Variants in SPECC1L observed in about 807,000 individuals in gnomAD.
SPECC1L encodes the protein cytospin-A.
A neutral mutation model predicts 116.8 loss-of-function variants in SPECC1L; 40 were observed. The ratio of observed to expected loss-of-function variants is 0.34; its 90% confidence interval spans 0.27 to 0.45. The LOEUF (loss-of-function observed/expected upper bound fraction) is 0.45, where lower values mean the gene tolerates loss of function less well. SPECC1L is among the 20% of genes least tolerant of loss of function. The probability of loss-of-function intolerance (pLI) is 1.00; values close to 1 mark genes in which losing one functional copy is unlikely to be tolerated. For synonymous variants in SPECC1L, 504 were observed against 500.6 expected, an observed-to-expected ratio of 1.01 and a Z score of -0.09; for missense variants, 1,110 against 1,373.6, an observed-to-expected ratio of 0.81 and a Z score of 3.03.
chr22:24,322,340 G>A lies in SPECC1L; in HGVS notation c.1360G>A (p.Asp454Asn), dbSNP rs907675222. 5.6e-6 allele frequency: 9 copies of A among 1,614,082 alleles called. No homozygotes were observed. Among genetic ancestry groups the A allele is most frequent in the African/African-American group, 2.7e-5 (2 of 74,930 alleles). Residue 454 changes from aspartate (D) to asparagine (N), a missense_variant, in exon 5 of 17, where the codon GAT (aspartate) becomes AAT (asparagine). This residue lies in a region of SPECC1L where 575 missense variants were observed against 682.4 expected (regional missense o/e 0.84). Coordinates refer to ENST00000314328, the MANE Select transcript of SPECC1L (RefSeq NM_015330.6). ...ILMESLCQQS[D>N]KLEHFSRQIE... ...GATGGAGTCTTTATGTCAGCAGAGC[G>A]ATAAGTTGGAACACTTTAGTCGACA... is the stretch of plus-strand genomic sequence containing the variant.
chr22:24,399,776 C>G (rs2042436696), intron 14 of SPECC1L, among the ~76,000 whole-genome samples: 1 of 152,198 alleles, frequency 6.6e-6, no homozygotes, highest in Non-Finnish European at 1.5e-5. Flanking sequence ...TAGCCATTTA[C>G]AGAGGATGAC....
intron 2 of SPECC1L, among the ~76,000 whole-genome samples, chr22:24,296,573 A>G (rs1356373055): frequency 1.3e-5 from 2 of 152,172 alleles, no homozygotes; most frequent in Non-Finnish European, 2.9e-5. Context: ...AAAGTTGGAG[A>G]AGAGAGAGTG....
At chr22:24,361,172 A>G (rs2041635322) in intron 11 of SPECC1L, among the ~76,000 whole-genome samples, 1 of 151,888 alleles carries the variant, frequency 6.6e-6, no homozygotes, top group Non-Finnish European at 1.5e-5. Flanking sequence ...CCAAGATGGG[A>G]GGATTGCTTT....
intron 11 of SPECC1L, among the ~76,000 whole-genome samples, chr22:24,351,278 A>C (rs137912824): frequency 6.6e-6 from 1 of 152,226 alleles, no homozygotes; most frequent in Admixed American, 6.5e-5. Context: ...AAGCACCCCA[A>C]GTGACTCTTA....
intron 2 of SPECC1L, among the ~76,000 whole-genome samples, chr22:24,287,156 G>C (rs1328926261): frequency 6.6e-6 from 1 of 152,176 alleles, no homozygotes; most frequent in African/African-American, 2.4e-5. Flanking sequence ...AAGTGGTAAG[G>C]GGTTTTCAGG....
intron 8 of SPECC1L, among the ~76,000 whole-genome samples, chr22:24,331,485 G>T (rs962395267): frequency 1.3e-5 from 2 of 152,078 alleles, no homozygotes; most frequent in African/African-American, 2.4e-5. Context: ...TCATTCTATA[G>T]TTATCCTGAG....
chr22:24,334,304 G>T, intron 8 of SPECC1L, 106 bp from the exon 9 acceptor site: 2 of 1,178,376 alleles, frequency 1.7e-6, no homozygotes, highest in Non-Finnish European at 2.5e-6. Flanking sequence ...GAGCCACCGT[G>T]CCCGGCCATT....
chr22:24,271,153 T>A (rs574344125), intron 1 of SPECC1L, among the ~76,000 whole-genome samples, 170 bp downstream of exon 1: 10 of 152,308 alleles, frequency 6.6e-5, no homozygotes, highest in African/African-American at 2.2e-4. Flanking sequence ...CGCCTTTCCC[T>A]TCCCGCGCCG....
rs912021408 is a variant in SPECC1L at position 24,322,585 on chromosome 22, G to A, written c.1605G>A (p.Gly535=). 1.9e-6 allele frequency: 3 copies of A among 1,614,018 alleles called. No individual in the cohort carries two copies. In the South Asian group the frequency reaches 3.3e-5, roughly 18 times the overall value. Residue 535 remains glycine (G), a synonymous_variant, in exon 5 of 17, where the codon GGG becomes GGA. Transcript: ENST00000314328. ...ATAAGGAAGCTCAAGAAATGATAGG[G>A]GCACTCAAAGAACGCAGTCACCATA... The part of the protein sequence containing the change: ...QDNKEAQEMI[G]ALKERSHHME...
intron 4 of SPECC1L, among the ~76,000 whole-genome samples, chr22:24,317,930 C>G (rs577860037): frequency 6.6e-6 from 1 of 151,670 alleles, no homozygotes; most frequent in Non-Finnish European, 1.5e-5. Flanking sequence ...GATGGGCGGC[C>G]GGGCAGAGAC....
intron 14 of SPECC1L, among the ~76,000 whole-genome samples, chr22:24,400,127 C>G (rs1423075312): frequency 6.6e-6 from 1 of 152,170 alleles, no homozygotes; most frequent in Non-Finnish European, 1.5e-5. Context: ...TTTAAACATA[C>G]AATTCGGTAG....
intron 14 of SPECC1L, among the ~76,000 whole-genome samples, chr22:24,398,395 G>A (rs2042407368): frequency 6.6e-6 from 1 of 152,186 alleles, no homozygotes; most frequent in South Asian, 2.1e-4. Flanking sequence ...AGTACAAAGT[G>A]CCACCAACAA....
intron 11 of SPECC1L, among the ~76,000 whole-genome samples, chr22:24,350,447 T>G (rs2041398311): frequency 6.6e-6 from 1 of 152,154 alleles, no homozygotes; most frequent in African/African-American, 2.4e-5. Flanking sequence ...GCTTGTAAAG[T>G]GCTTAGCGCC....
intron 10 of SPECC1L, among the ~76,000 whole-genome samples, chr22:24,339,514 C>T (rs963139582): frequency 2.6e-5 from 4 of 152,104 alleles, no homozygotes; most frequent in Non-Finnish European, 4.4e-5. Context: ...CTCAAGAGGC[C>T]GCTCATTGTG....
At chr22:24,310,716 T>TA (rs1430228936) in intron 3 of SPECC1L, among the ~76,000 whole-genome samples, 1 of 152,210 alleles carries the variant, frequency 6.6e-6, no homozygotes, top group Non-Finnish European at 1.5e-5. Context: ...TTAGGGACCT[T>TA]AACCATTTGT....
Position 24,322,580 on chromosome 22 carries a change from A to G in SPECC1L, c.1600A>G (p.Ile534Val), listed in dbSNP as rs1377697659. 31 of 1,614,086 alleles carry G rather than the reference A, an allele frequency of 1.9e-5. No homozygotes were observed. The highest frequency in any genetic ancestry group is 2.5e-5 in the Non-Finnish European group (30 of 1,180,048). The change falls in exon 5 of 17, where the codon ATA (isoleucine) becomes GTA (valine). Residue 534 changes from isoleucine to valine, a missense_variant. This residue lies in a region of SPECC1L where 575 missense variants were observed against 682.4 expected (regional missense o/e 0.84). Coordinates refer to ENST00000314328, the MANE Select transcript of SPECC1L (RefSeq NM_015330.6). Reference sequence around the variant, plus strand: ...AGACAATAAGGAAGCTCAAGAAATGATAGGGGCACTCAAAGAACGCAGTCA... The same window carrying G: ...AGACAATAAGGAAGCTCAAGAAATGGTAGGGGCACTCAAAGAACGCAGTCA... ...EQDNKEAQEM[I>V]GALKERSHHM...
chr22:24,392,263 C>T (rs1197160656), intron 14 of SPECC1L, among the ~76,000 whole-genome samples: 2 of 152,236 alleles, frequency 1.3e-5, no homozygotes, highest in African/African-American at 4.8e-5. Flanking sequence ...TTTTCAAGAG[C>T]TGCCTAATTA....
intron 10 of SPECC1L, among the ~76,000 whole-genome samples, chr22:24,345,630 A>G (rs2041276118): frequency 2.0e-5 from 3 of 151,058 alleles, no homozygotes; most frequent in Non-Finnish European, 4.4e-5. Flanking sequence ...CAGGAGAAGA[A>G]TACAAATGGC....
intron 14 of SPECC1L, among the ~76,000 whole-genome samples, chr22:24,407,745 C>G (rs973713707): frequency 6.6e-6 from 1 of 152,010 alleles, no homozygotes; most frequent in Admixed American, 6.5e-5. Flanking sequence ...AGACTTTTTC[C>G]TCTGCATTTT....
Sources: allele counts gnomAD v4.1 joint callset (sites outside exome capture counted in the v4.1 genomes callset), GRCh38; gene constraint gnomAD v4.1.1; regional missense constraint gnomAD v4.1.1; transcripts MANE v1.5; gene names NCBI Gene and HGNC (gene_info 2026-07-23, HGNC 2026-07-21).